Variants in SBF2 observed in about 807,000 individuals in gnomAD.
SBF2 encodes the protein SET binding factor 2, also known as myotubularin-related protein 13.
In SBF2, 112 loss-of-function variants were observed where a neutral mutation model predicts 225.2. The ratio of observed to expected loss-of-function variants is 0.50; its 90% CI spans 0.43 to 0.58. SBF2 has a LOEUF of 0.58. Ranked by LOEUF, SBF2 falls within the 20% of genes least tolerant of loss-of-function variation. SBF2 has a pLI of 0.00. For synonymous variants in SBF2, 763 were observed against 773.3 expected, an observed-to-expected ratio of 0.99 and a Z score of 0.22; for missense variants, 1,996 against 2,206.2, an observed-to-expected ratio of 0.90 and a Z score of 1.91.
At chr11:9,960,353 C>T (rs1230068832) in intron 16 of SBF2, 1 of 152,106 alleles carries the variant, frequency 6.6e-6, no homozygotes, top group Non-Finnish European at 1.5e-5. Flanking sequence ...TGGATATTTC[C>T]TGTATTATGT....
intron 2 of SBF2, among the ~76,000 whole-genome samples, chr11:10,110,448 T>C (rs1241722142): frequency 2.0e-5 from 3 of 152,158 alleles, no homozygotes; most frequent in African/African-American, 7.2e-5. Flanking sequence ...AGAGAAAAAG[T>C]ATTCCTTCAG....
intron 16 of SBF2, among the ~76,000 whole-genome samples, chr11:9,933,564 G>T (rs774295787): frequency 1.3e-5 from 2 of 152,122 alleles, no homozygotes; most frequent in African/African-American, 4.8e-5. Flanking sequence ...TGACTACTGG[G>T]TACATAACGA....
intron 32 of SBF2, among the ~76,000 whole-genome samples, chr11:9,797,805 C>CA (rs1261694736): frequency 2.0e-5 from 3 of 152,122 alleles, no homozygotes; most frequent in African/African-American, 2.4e-5. Flanking sequence ...CTTTTCTCTA[C>CA]AAAAATTAAA....
intron 1 of SBF2, among the ~76,000 whole-genome samples, chr11:10,275,354 A>T (rs1231585351): frequency 6.6e-6 from 1 of 152,070 alleles, no homozygotes; most frequent in Non-Finnish European, 1.5e-5. Context: ...TAGTGGCAAA[A>T]CTCTAAATTC....
intron 33 of SBF2, 94 bp from the exon 34 acceptor site, chr11:9,790,777 A>AT: frequency 1.0e-6 from 1 of 967,690 alleles, no homozygotes; most frequent in Non-Finnish European, 1.6e-6. Flanking sequence ...AAAGTGGAAT[A>AT]TTTTTTATGG....
intron 6 of SBF2, among the ~76,000 whole-genome samples, chr11:10,015,368 A>G (rs2134572261): frequency 6.6e-6 from 1 of 152,302 alleles, no homozygotes; most frequent in East Asian, 1.9e-4. Flanking sequence ...AGTACCACAA[A>G]TTTGGTGGCT....
chr11:10,224,959 A>G (rs1159917395), intron 1 of SBF2, among the ~76,000 whole-genome samples: 1 of 152,216 alleles, frequency 6.6e-6, no homozygotes, highest in East Asian at 1.9e-4. Context: ...TATAAATTTT[A>G]TTAACTGAAA....
intron 28 of SBF2, among the ~76,000 whole-genome samples, chr11:9,817,928 C>A (rs1854545889): frequency 6.6e-6 from 1 of 152,050 alleles, no homozygotes; most frequent in Admixed American, 6.6e-5. Flanking sequence ...ATAAAATGTA[C>A]AGTCAGAAGC....
At chr11:10,234,793 C>A (rs528475097) in intron 1 of SBF2, among the ~76,000 whole-genome samples, 138 of 152,196 alleles carry the variant, frequency 9.1e-4, no homozygotes, top group African/African-American at 3.2e-3. Context: ...ATGCATGCAT[C>A]CAAAACAGAA....
intron 2 of SBF2, among the ~76,000 whole-genome samples, chr11:10,103,588 T>C (rs551212073): frequency 6.1e-4 from 93 of 152,344 alleles, no homozygotes; most frequent in African/African-American, 2.1e-3. Flanking sequence ...AGACAATTGT[T>C]GTCTTGCTTT....
At chr11:9,914,130 G>C (rs2134197457) in intron 16 of SBF2, among the ~76,000 whole-genome samples, 1 of 152,274 alleles carries the variant, frequency 6.6e-6, no homozygotes, top group South Asian at 2.1e-4. Flanking sequence ...TAGATATGGA[G>C]GTATGTTGAA....
chr11:10,158,509 T>C (rs1046621090), intron 2 of SBF2, among the ~76,000 whole-genome samples: 6 of 152,000 alleles, frequency 3.9e-5, no homozygotes, highest in Non-Finnish European at 5.9e-5. Flanking sequence ...ATTGATATCA[T>C]AGAAATAGAA....
rs375272419 is a variant in SBF2, at chr11:9,998,426, T to C, written c.862-47A>G. The C allele has an allele frequency of 6.8e-6, 7 of 1,031,732 alleles. No homozygotes were observed. The African/African-American group carries it at 1.1e-4, about 16-fold the overall frequency. 63.9% of individuals were successfully genotyped at this position (1,031,732 alleles called of 1,614,324 possible). On this transcript the variant is annotated intron_variant, in intron 8 of 39. Coordinates refer to ENST00000256190, the MANE Select transcript of SBF2 (RefSeq NM_030962.4). ...ACCTATAATTACCAAAATACATTTG[T>C]TGTTAAGCAAATTATTTTTCCCTTG... is the stretch of plus-strand genomic sequence containing the variant.
intron 17 of SBF2, among the ~76,000 whole-genome samples, chr11:9,865,894 T>C (rs1373976928): frequency 2.6e-5 from 4 of 152,090 alleles, no homozygotes; most frequent in Non-Finnish European, 4.4e-5. Flanking sequence ...GGTATGAATA[T>C]ACAGCATTTT....
At chr11:10,108,756 C>T (rs1270579414) in intron 2 of SBF2, among the ~76,000 whole-genome samples, 5 of 150,990 alleles carry the variant, frequency 3.3e-5, no homozygotes, top group African/African-American at 4.9e-5. Context: ...GATCTCCTGA[C>T]CTCGTGATCC....
chr11:10,196,853 TATATATATATA>T (rs1266059900), intron 1 of SBF2, among the ~76,000 whole-genome samples: 10 of 22,156 alleles, frequency 4.5e-4, no homozygotes, highest in Admixed American at 2.5e-3. Context: ...TATATATATA[TATATATATATA>T]TATTTTTTTT....
intron 2 of SBF2, among the ~76,000 whole-genome samples, chr11:10,145,717 A>C (rs938488794): frequency 6.6e-6 from 1 of 152,132 alleles, no homozygotes; most frequent in Admixed American, 6.6e-5. Context: ...CCATTACAGC[A>C]CCTGGTATAG....
chr11:9,787,982 G>C (rs1406851966), intron 35 of SBF2: 13 of 538,156 alleles, frequency 2.4e-5, no homozygotes, highest in Non-Finnish European at 4.3e-5. Context: ...GTACAGGATA[G>C]CTTACATACT....
intron 2 of SBF2, among the ~76,000 whole-genome samples, chr11:10,052,839 T>C (rs1177497917): frequency 2.0e-5 from 3 of 152,226 alleles, no homozygotes; most frequent in African/African-American, 7.2e-5. Context: ...TCTGCATTTC[T>C]ATAAACCGTG....
Sources: allele counts gnomAD v4.1 joint callset (sites outside exome capture counted in the v4.1 genomes callset), GRCh38; gene constraint gnomAD v4.1.1; transcripts MANE v1.5; gene names NCBI Gene and HGNC (gene_info 2026-07-23, HGNC 2026-07-21).